Variants in TOP1 observed in about 807,000 individuals in gnomAD.
TOP1 encodes DNA topoisomerase 1.
A neutral mutation model predicts 111.1 loss-of-function variants in TOP1; 10 were observed. The observed-to-expected ratio is 0.09, with a 90% CI of 0.06 to 0.15. TOP1 has a LOEUF of 0.15. Among genes scored for constraint, TOP1 ranks in the 10% least tolerant of loss-of-function variants. The pLI, the probability that TOP1 is intolerant of heterozygous loss-of-function variation, is 1.00. For missense variants in TOP1, 474 were observed against 926.7 expected, an observed-to-expected ratio of 0.51 and a Z score of 6.34; for synonymous variants, 271 against 302.9, an observed-to-expected ratio of 0.89 and a Z score of 1.10.
chr20:41,038,622 C>T (rs985002015), intron 2 of TOP1, among the ~76,000 whole-genome samples: 1 of 152,150 alleles, frequency 6.6e-6, no homozygotes, highest in Non-Finnish European at 1.5e-5. Flanking sequence ...GCGGCAACTT[C>T]AGTTGTCCAG....
At chr20:41,077,034 G>A (rs965292823) in intron 4 of TOP1, among the ~76,000 whole-genome samples, 3 of 152,168 alleles carry the variant, frequency 2.0e-5, no homozygotes, top group African/African-American at 7.2e-5. Flanking sequence ...AGGGGGTCAT[G>A]AGTATACTTT....
In TOP1 at chr20:41,092,806, C is replaced by T. The variant is rs528099623; in HGVS notation, c.730+219C>T. Among the ~76,000 whole-genome samples the T allele has an allele frequency of 2.6e-5, 4 of 152,178 alleles. No individual in the cohort carries two copies. The highest frequency in any genetic ancestry group is 4.4e-5 in the Non-Finnish European group (3 of 68,042). On this transcript the variant is annotated intron_variant, in intron 9 of 20. Transcript: ENST00000361337. This position sits in a 1 kb window ranked among gnomAD's most constrained non-coding sequence, Gnocchi z 4.3. ...GGAAAAGGGGCTATTCATGTCTTCC[C>T]TACATAGTCCAAAAAAGGTTTGTCA...
rs1216948488 is a variant in TOP1, at chr20:41,079,302, A to G, written c.336-783A>G. Among the ~76,000 whole-genome samples the G allele has an allele frequency of 6.6e-6, 1 of 152,222 alleles. No individual in the cohort carries two copies. The highest frequency in any genetic ancestry group is 1.5e-5 in the Non-Finnish European group (1 of 68,038). Reference sequence around the variant, plus strand: ...AGGTTCTGAAGAGATGTGCCAGGCCAGGGAGCATCCCATGGCTGCAGTGAT... The same window carrying G: ...AGGTTCTGAAGAGATGTGCCAGGCCGGGGAGCATCCCATGGCTGCAGTGAT... On this transcript the variant is annotated intron_variant, in intron 5 of 20. Coordinates refer to ENST00000361337, the MANE Select transcript of TOP1 (RefSeq NM_003286.4). The surrounding 1 kb of genome is among the most constrained non-coding windows in gnomAD (Gnocchi z 4.0).
intron 9 of TOP1, among the ~76,000 whole-genome samples, chr20:41,096,816 T>C (rs1311524151): frequency 6.6e-6 from 1 of 152,142 alleles, no homozygotes; most frequent in Non-Finnish European, 1.5e-5. Context: ...TTCCTCCCCT[T>C]CTTGAACAGA....
Position 41,100,625 on chromosome 20 carries a change from T to G in TOP1, c.1163+382T>G, listed in dbSNP as rs140797126. On this transcript the variant is annotated intron_variant, in intron 12 of 20. Transcript: ENST00000361337. The surrounding 1 kb of genome is among the most constrained non-coding windows in gnomAD (Gnocchi z 4.4). ...CTAGCACGACTTTCTTTTTCCTTCT[T>G]CACAATTTCACAGATGGAAGGTTAA... is the stretch of plus-strand genomic sequence containing the variant. 1.1e-3 allele frequency: 191 copies of G among 174,392 alleles called. 1 individual carries two copies. The highest frequency in any genetic ancestry group is 4.1e-3 in the African/African-American group (175 of 42,410). The allele number at this position is 174,392 out of a possible 1,614,324, so 10.8% of individuals were successfully genotyped here.
intron 2 of TOP1, among the ~76,000 whole-genome samples, chr20:41,045,593 A>G (rs1396530482): frequency 6.6e-6 from 1 of 152,226 alleles, no homozygotes; most frequent in Non-Finnish European, 1.5e-5. Context: ...AGATGAACTT[A>G]TATTTATGTA....
At position 41,112,745 on chromosome 20, in the gene TOP1, C is replaced by G. The variant is rs780832653; in HGVS notation, c.1309-37C>G. On this transcript the variant is annotated intron_variant, in intron 13 of 20. Transcript: ENST00000361337. This position sits in a 1 kb window ranked among gnomAD's most constrained non-coding sequence, Gnocchi z 5.8. ...TCAAAGTCTGTCTTTACTACACTGT[C>G]CCAAAGTAATCTACATTTGGGTTTG... is the stretch of plus-strand genomic sequence containing the variant. 8 of 1,611,172 alleles carry G rather than the reference C, an allele frequency of 5.0e-6. No homozygotes were observed. The Admixed American group carries it at 1.2e-4, about 24-fold the overall frequency.
rs540317191 is a variant in TOP1 at position 41,095,074 on chromosome 20, C to A, written c.731-2146C>A. ...TATTTTTATATTTATTTATTTGAGA[C>A]AGAGTCACACTCTGTCACCCAGGCT... On this transcript the variant is annotated intron_variant, in intron 9 of 20. Transcript: ENST00000361337. The surrounding 1 kb of genome is among the most constrained non-coding windows in gnomAD (Gnocchi z 4.6). Among the ~76,000 whole-genome samples, 1 of 152,222 alleles carries A rather than the reference C, an allele frequency of 6.6e-6. No individual in the cohort carries two copies. The highest frequency in any genetic ancestry group is 2.1e-4 in the South Asian group (1 of 4,816).
At position 41,102,407 on chromosome 20, in the gene TOP1, C is replaced by T. The variant is rs888432661; in HGVS notation, c.1308+1054C>T. ...GGCGGATCACCTGAGGTCAGGAGTT[C>T]GAGACCAGCCTGGACAACATGGCGA... On this transcript the variant is annotated intron_variant, in intron 13 of 20. Coordinates refer to ENST00000361337, the MANE Select transcript of TOP1 (RefSeq NM_003286.4). This position sits in a 1 kb window ranked among gnomAD's most constrained non-coding sequence, Gnocchi z 4.0. 7.2e-5 allele frequency among the ~76,000 whole-genome samples: 11 copies of T among 152,078 alleles called. No homozygotes were observed. The highest frequency in any genetic ancestry group is 1.4e-4 in the African/African-American group (6 of 41,406).
chr20:41,118,812 G>A lies in TOP1; in HGVS notation c.1950+516G>A, dbSNP rs1017265439. Among the ~76,000 whole-genome samples, 11 of 152,126 alleles carry A rather than the reference G, an allele frequency of 7.2e-5. No homozygotes were observed. The highest frequency in any genetic ancestry group is 1.7e-4 in the African/African-American group (7 of 41,420). On this transcript the variant is annotated intron_variant, in intron 18 of 20. Transcript: ENST00000361337. The surrounding 1 kb of genome is among the most constrained non-coding windows in gnomAD (Gnocchi z 4.6). ...ATCAAACATCTGTTGAATACTGGCC[G>A]TGTGCCAGACAACTTGCTGCCCTAA...
Position 41,028,991 on chromosome 20 carries a change from C to A in TOP1, c.-77C>A. On this transcript the variant is annotated 5_prime_UTR_variant, in exon 1 of 21. Transcript: ENST00000361337. ...CTCGAGCCTCCGGAGTCCCCGTCCG[C>A]CCGCACAGGCCGGTTCGCCGTCTGC... 7.5e-7 allele frequency: 1 copy of A among 1,333,552 alleles called. No individual in the cohort carries two copies. Among genetic ancestry groups the A allele is most frequent in the Non-Finnish European group, 1.0e-6 (1 of 967,644 alleles). 82.6% of individuals were successfully genotyped at this position (1,333,552 alleles called of 1,614,324 possible).
chr20:41,037,932 T>C (rs2094832386), intron 2 of TOP1, among the ~76,000 whole-genome samples: 2 of 152,154 alleles, frequency 1.3e-5, no homozygotes, highest in Admixed American at 6.5e-5. Context: ...AATTATGGAA[T>C]AGGGCCTAAT....
intron 3 of TOP1, among the ~76,000 whole-genome samples, chr20:41,064,952 T>A (rs557735232): frequency 6.6e-6 from 1 of 152,290 alleles, no homozygotes; most frequent in East Asian, 1.9e-4. Flanking sequence ...TTGCCCAGGC[T>A]GGAGTGCAGT....
At chr20:41,096,453 A>G (rs578108714) in intron 9 of TOP1, among the ~76,000 whole-genome samples, 1 of 152,320 alleles carries the variant, frequency 6.6e-6, no homozygotes, top group Non-Finnish European at 1.5e-5. Flanking sequence ...GGTTCCCTGA[A>G]AGAGGCAGCA....
intron 8 of TOP1, among the ~76,000 whole-genome samples, chr20:41,091,722 A>G (rs1226039438): frequency 6.6e-6 from 1 of 151,686 alleles, no homozygotes; most frequent in Non-Finnish European, 1.5e-5. Context: ...ATGCCCAGCT[A>G]ATTTTTGTAT....
intron 3 of TOP1, chr20:41,072,375 A>C (rs62209454): frequency 0.27 from 262,394 of 985,122 alleles, 37,389 homozygotes; most frequent in Non-Finnish European, 0.29. Flanking sequence ...TGAGGAAAGT[A>C]CAGTTCTTTA....
chr20:41,068,182 A>G (rs937117985), intron 3 of TOP1, among the ~76,000 whole-genome samples: 2 of 152,240 alleles, frequency 1.3e-5, no homozygotes, highest in African/African-American at 4.8e-5. Context: ...CACCTCAGGC[A>G]CTGCCTTTAT....
intron 2 of TOP1, among the ~76,000 whole-genome samples, chr20:41,049,603 C>T (rs1183397128): frequency 6.6e-6 from 1 of 152,178 alleles, no homozygotes; most frequent in Admixed American, 6.5e-5. Context: ...TTTCCCTCTC[C>T]CTTTTCAAAG....
In TOP1 at chr20:41,097,764, G is replaced by A. The variant is rs2294975; in HGVS notation, c.852+423G>A. On this transcript the variant is annotated intron_variant, in intron 10 of 20. Transcript: ENST00000361337. The surrounding 1 kb of genome is among the most constrained non-coding windows in gnomAD (Gnocchi z 4.2). Reference sequence around the variant, plus strand: ...AAACCACATATACTATATTTGCCTAGGTGATTTTTTAAAATCTCATTATTC... The same window carrying A: ...AAACCACATATACTATATTTGCCTAAGTGATTTTTTAAAATCTCATTATTC... Among the ~76,000 whole-genome samples, 530 of 152,276 alleles carry A rather than the reference G, an allele frequency of 3.5e-3. 6 individuals carry two copies. The highest frequency in any genetic ancestry group is 0.022 in the East Asian group (116 of 5,184).
Sources: allele counts gnomAD v4.1 joint callset (sites outside exome capture counted in the v4.1 genomes callset), GRCh38; gene constraint gnomAD v4.1.1; non-coding constraint Gnocchi (gnomAD v3.1); transcripts MANE v1.5; gene names NCBI Gene and HGNC (gene_info 2026-07-23, HGNC 2026-07-21).